LAMA2: variants seen among roughly 807,000 people sequenced by gnomAD.
LAMA2 encodes laminin subunit alpha-2.
LAMA2 carries 269 observed loss-of-function variants against 364.8 expected under a neutral mutation model. The observed-to-expected ratio is 0.74, with a 90% confidence interval of 0.67 to 0.82. LAMA2 has a LOEUF of 0.82. Among genes scored for constraint, LAMA2 ranks in the 40% least tolerant of loss-of-function variants. The pLI, the probability that LAMA2 is intolerant of heterozygous loss-of-function variation, is 0.00. For synonymous variants in LAMA2, 1,379 were observed against 1,370.6 expected (o/e 1.01, Z -0.14); for missense variants, 3,807 against 3,873.2 (o/e 0.98, Z 0.45).
intron 1 of LAMA2, among the ~76,000 whole-genome samples, chr6:129,026,344 A>G (rs1562164432): frequency 6.6e-6 from 1 of 152,188 alleles, no homozygotes; most frequent in Non-Finnish European, 1.5e-5. Flanking sequence ...AAATAAATAT[A>G]TTGTCGAGTT....
At chr6:129,266,418 A>G (rs1373542603) in intron 15 of LAMA2, among the ~76,000 whole-genome samples, 1 of 152,176 alleles carries the variant, frequency 6.6e-6, no homozygotes. Context: ...TGAAAAATAC[A>G]AGCAAAGTTA....
At chr6:129,286,331 G>C (rs1018313035) in intron 18 of LAMA2, among the ~76,000 whole-genome samples, 1 of 151,300 alleles carries the variant, frequency 6.6e-6, no homozygotes, top group African/African-American at 2.4e-5. Flanking sequence ...TGGCAAATGT[G>C]GCTTAGTATA....
intron 1 of LAMA2, among the ~76,000 whole-genome samples, chr6:128,970,639 C>G (rs1782133079): frequency 6.6e-6 from 1 of 152,124 alleles, no homozygotes; most frequent in Non-Finnish European, 1.5e-5. Flanking sequence ...ATTTGCATTA[C>G]AAAATAGAAA....
At position 129,260,706 on chromosome 6, in the gene LAMA2, C is replaced by T. The variant is rs759681958; in HGVS notation, c.2097-5C>T. On this transcript the variant is annotated splice_region_variant and splice_polypyrimidine_tract_variant and intron_variant, in intron 14 of 64. Coordinates refer to ENST00000421865, the MANE Select transcript of LAMA2 (RefSeq NM_000426.4). ...ATTCACCATCTCTTTTTTCCTCTGCCATAGGTTGAGCTCTGTTAACCTTGA... is the reference window on the plus strand; with the variant it reads ...ATTCACCATCTCTTTTTTCCTCTGCTATAGGTTGAGCTCTGTTAACCTTGA... The T allele has an allele frequency of 1.9e-6, 3 of 1,569,780 alleles. No homozygotes were observed. The East Asian group carries it at 6.7e-5, about 35-fold the overall frequency.
At chr6:129,128,620 A>G (rs943998721) in intron 4 of LAMA2, among the ~76,000 whole-genome samples, 1 of 152,208 alleles carries the variant, frequency 6.6e-6, no homozygotes, top group Non-Finnish European at 1.5e-5. Flanking sequence ...AATTCTTCCA[A>G]TCCATGAACA....
intron 12 of LAMA2, among the ~76,000 whole-genome samples, chr6:129,227,743 G>T (rs1193563277): frequency 6.6e-6 from 1 of 152,194 alleles, no homozygotes; most frequent in African/African-American, 2.4e-5. Context: ...CCCCTACTGG[G>T]TGGTGCCTCA....
chr6:128,994,691 G>T (rs2114667322), intron 1 of LAMA2, among the ~76,000 whole-genome samples: 2 of 152,142 alleles, frequency 1.3e-5, no homozygotes, highest in East Asian at 3.9e-4. Context: ...GTATACTCCT[G>T]GATTTGGTTT....
At chr6:128,973,074 T>A (rs1782289842) in intron 1 of LAMA2, among the ~76,000 whole-genome samples, 1 of 152,048 alleles carries the variant, frequency 6.6e-6, no homozygotes, top group African/African-American at 2.4e-5. Context: ...TGCAAGCAAG[T>A]TACTATATTG....
chr6:129,318,794 T>A (rs1442275239), intron 27 of LAMA2, among the ~76,000 whole-genome samples: 2 of 152,214 alleles, frequency 1.3e-5, no homozygotes, highest in Non-Finnish European at 2.9e-5. Flanking sequence ...CATAATTCAG[T>A]TTCAATAAAA....
intron 35 of LAMA2, among the ~76,000 whole-genome samples, chr6:129,391,134 T>G (rs561980099): frequency 8.5e-5 from 13 of 152,210 alleles, no homozygotes; most frequent in Non-Finnish European, 1.9e-4. Context: ...TTATCAGCAA[T>G]GCAGAGCTTG....
rs1782323023 is a variant in LAMA2, at chr6:129,445,556, C to T, written c.6275-111C>T. 3.2e-6 allele frequency: 3 copies of T among 927,850 alleles called. No individual in the cohort carries two copies. The South Asian group carries it at 4.2e-5, about 13-fold the overall frequency. The allele number at this position is 927,850 out of a possible 1,614,324, so 57.5% of individuals were successfully genotyped here. ...TTTTGCTTTAGCTGTTATGGCCATGCTTTGTCACATTAATAAGATGAAATT... is the reference window on the plus strand; with the variant it reads ...TTTTGCTTTAGCTGTTATGGCCATGTTTTGTCACATTAATAAGATGAAATT... On this transcript the variant is annotated intron_variant, in intron 44 of 64. Coordinates refer to ENST00000421865, the MANE Select transcript of LAMA2 (RefSeq NM_000426.4).
chr6:129,172,754 G>A (rs543175875), intron 9 of LAMA2, among the ~76,000 whole-genome samples: 3 of 147,024 alleles, frequency 2.0e-5, no homozygotes, highest in Non-Finnish European at 2.9e-5. Flanking sequence ...GGGCAATGGC[G>A]GCGCCCCTCC....
chr6:129,127,673 G>A (rs1283830601), intron 4 of LAMA2, among the ~76,000 whole-genome samples: 1 of 151,996 alleles, frequency 6.6e-6, no homozygotes, highest in African/African-American at 2.4e-5. Flanking sequence ...CCATATTCTC[G>A]CCAACATTTG....
At chr6:129,430,555 G>A (rs1462795887) in intron 41 of LAMA2, among the ~76,000 whole-genome samples, 1 of 152,194 alleles carries the variant, frequency 6.6e-6, no homozygotes, top group African/African-American at 2.4e-5. Flanking sequence ...GAATGTTTGT[G>A]GAGATAAAAA....
At chr6:129,166,354 T>A (rs1779741306) in intron 9 of LAMA2, among the ~76,000 whole-genome samples, 1 of 152,196 alleles carries the variant, frequency 6.6e-6, no homozygotes, top group Admixed American at 6.5e-5. Flanking sequence ...TAGAATGCAC[T>A]GGGACGCTTC....
intron 1 of LAMA2, among the ~76,000 whole-genome samples, chr6:128,976,165 C>G (rs1361121928): frequency 6.6e-6 from 1 of 152,066 alleles, no homozygotes; most frequent in Non-Finnish European, 1.5e-5. Flanking sequence ...TATTTTGACT[C>G]AGCAGGTGTT....
intron 12 of LAMA2, among the ~76,000 whole-genome samples, chr6:129,239,055 T>C (rs528280267): frequency 2.0e-5 from 3 of 152,328 alleles, no homozygotes; most frequent in Admixed American, 6.5e-5. Flanking sequence ...TTTTACATAA[T>C]AGCAACAATA....
chr6:129,501,893 A>G (rs759646398), intron 58 of LAMA2, among the ~76,000 whole-genome samples: 14 of 152,188 alleles, frequency 9.2e-5, no homozygotes, highest in Non-Finnish European at 1.8e-4. Context: ...GGACTGCTGT[A>G]TGCTTTGCAA....
rs1787090863 is a variant in LAMA2 at position 129,516,460 on chromosome 6, A to T, written c.*113A>T. 1 of 1,103,752 alleles carries T rather than the reference A, an allele frequency of 9.1e-7. No individual in the cohort carries two copies. The highest frequency in any genetic ancestry group is 2.0e-5 in the Admixed American group (1 of 50,212). The allele number at this position is 1,103,752 out of a possible 1,614,324, so 68.4% of individuals were successfully genotyped here. A position where few individuals can be genotyped will look rare whatever the true frequency, so the allele number is the denominator to read the frequency against. On this transcript the variant is annotated 3_prime_UTR_variant, in exon 65 of 65. Transcript: ENST00000421865. ...TAAACTAATTTGTGCATGTACATAG[A>T]ATTCTTTCTGTATTCAGATGGTGCT...
Sources: gnomAD v4.1 joint callset for allele counts (sites outside exome capture counted in the v4.1 genomes callset) on GRCh38, gnomAD v4.1.1 for gene constraint, MANE v1.5 for transcripts, NCBI Gene and HGNC (gene_info 2026-07-23, HGNC 2026-07-21) for gene names.